The following TIMMDC1 variants were observed in gnomAD, a reference collection of about 807,000 sequenced individuals.
TIMMDC1 encodes complex I assembly factor TIMMDC1, mitochondrial.
Under a neutral mutation model 32.6 loss-of-function variants are expected in TIMMDC1, and 25 were observed. That is an observed-to-expected ratio of 0.77 (90% confidence interval 0.56 to 1.07). TIMMDC1 has a LOEUF of 1.07. Among genes scored for constraint, TIMMDC1 ranks in the 50% least tolerant of loss-of-function variants. The pLI is 0.00. For synonymous variants in TIMMDC1, 130 were observed against 127.6 expected (o/e 1.02, Z -0.13); for missense variants, 329 against 349.2 (o/e 0.94, Z 0.46).
intron 4 of TIMMDC1, among the ~76,000 whole-genome samples, chr3:119,506,326 C>T (rs2081918659): frequency 3.3e-5 from 5 of 152,100 alleles, no homozygotes; most frequent in Admixed American, 2.6e-4. Context: ...AGTTTGAGAA[C>T]AGCCTGGGCA....
chr3:119,511,037 A>G (rs778546215), intron 4 of TIMMDC1, among the ~76,000 whole-genome samples: 10 of 152,236 alleles, frequency 6.6e-5, no homozygotes, highest in Non-Finnish European at 1.5e-4. Context: ...TTCACACATA[A>G]ATAGATTGGT....
intron 4 of TIMMDC1, among the ~76,000 whole-genome samples, chr3:119,511,347 C>T (rs1224534960): frequency 6.6e-6 from 1 of 151,804 alleles, no homozygotes; most frequent in Non-Finnish European, 1.5e-5. Context: ...TGGTGGCATG[C>T]ACCTGTAGTC....
At chr3:119,512,146 T>A (rs1360740722) in intron 4 of TIMMDC1, among the ~76,000 whole-genome samples, 1 of 152,212 alleles carries the variant, frequency 6.6e-6, no homozygotes, top group Non-Finnish European at 1.5e-5. Flanking sequence ...AATCTAAGTG[T>A]TAGACAAAAA....
chr3:119,502,617 G>A (rs566678977), intron 2 of TIMMDC1, among the ~76,000 whole-genome samples: 76 of 151,884 alleles, frequency 5.0e-4, no homozygotes, highest in African/African-American at 1.5e-3. Flanking sequence ...GGAGTGCAGC[G>A]GCGCGATCAT....
chr3:119,518,404 C>T (rs2081999608), intron 6 of TIMMDC1, among the ~76,000 whole-genome samples: 1 of 151,988 alleles, frequency 6.6e-6, no homozygotes, highest in South Asian at 2.1e-4. Context: ...TAACCACACA[C>T]ACACAGACAC....
At chr3:119,518,348 G>T (rs2081999211) in intron 6 of TIMMDC1, among the ~76,000 whole-genome samples, 1 of 152,038 alleles carries the variant, frequency 6.6e-6, no homozygotes, top group Non-Finnish European at 1.5e-5. Context: ...GGATAGATGA[G>T]AAATCATTTT....
At position 119,523,882 on chromosome 3, in the gene TIMMDC1, G is replaced by T. The variant is rs899579329; in HGVS notation, c.*126G>T. On this transcript the variant is annotated 3_prime_UTR_variant, in exon 7 of 7. Coordinates refer to ENST00000494664, the MANE Select transcript of TIMMDC1 (RefSeq NM_016589.4). The stretch of plus-strand genomic sequence containing the variant: ...TTAAGTGCTGGTACCTGTGGTGGCA[G>T]TGGCTTGCTCTTGTCTTTTTCTTTT... 2.1e-6 allele frequency: 2 copies of T among 931,654 alleles called. No homozygotes were observed. The highest frequency in any genetic ancestry group is 2.8e-5 in the Admixed American group (1 of 36,016). 57.7% of individuals were successfully genotyped at this position (931,654 alleles called of 1,614,324 possible).
chr3:119,503,262 C>G (rs1408570761), intron 2 of TIMMDC1, among the ~76,000 whole-genome samples: 1 of 152,162 alleles, frequency 6.6e-6, no homozygotes, highest in East Asian at 1.9e-4. Flanking sequence ...CTGAAAAAAT[C>G]CTAAATCCAA....
intron 6 of TIMMDC1, among the ~76,000 whole-genome samples, chr3:119,522,228 T>C (rs934996996): frequency 1.3e-5 from 2 of 152,184 alleles, no homozygotes; most frequent in Admixed American, 6.5e-5. Flanking sequence ...TCAGCCATAA[T>C]AAAGAATGTA....
At chr3:119,519,865 AC>A (rs1407128985) in intron 6 of TIMMDC1, among the ~76,000 whole-genome samples, 1 of 152,032 alleles carries the variant, frequency 6.6e-6, no homozygotes, top group Non-Finnish European at 1.5e-5. Flanking sequence ...AGGCTACAAA[AC>A]AAGTCTCAAC....
intron 5 of TIMMDC1, 61 bp downstream of exon 5, chr3:119,513,780 A>G: frequency 9.3e-7 from 1 of 1,071,754 alleles, no homozygotes; most frequent in South Asian, 1.6e-5. Flanking sequence ...CTTGCCTATT[A>G]AAAAGTCTCA....
At position 119,520,853 on chromosome 3, in the gene TIMMDC1, C is replaced by A. The variant is rs2082021778; in HGVS notation, c.708-2753C>A. Reference sequence around the variant, plus strand: ...AATCCTTAACAAAATACCAGCAAACCAAATCCAAGAGTACATCAAAAAGAT... The same window carrying A: ...AATCCTTAACAAAATACCAGCAAACAAAATCCAAGAGTACATCAAAAAGAT... On this transcript the variant is annotated intron_variant, in intron 6 of 6. Coordinates refer to ENST00000494664, the MANE Select transcript of TIMMDC1 (RefSeq NM_016589.4). Among the ~76,000 whole-genome samples, 3 of 152,162 alleles carry A rather than the reference C, an allele frequency of 2.0e-5. 1 individual carries two copies. In the South Asian group the frequency reaches 6.2e-4, roughly 32 times the overall value.
chr3:119,524,071 A>G lies in TIMMDC1; in HGVS notation c.*315A>G, dbSNP rs1204515468. 2 of 186,072 alleles carry G rather than the reference A, an allele frequency of 1.1e-5. No individual in the cohort carries two copies. Among genetic ancestry groups the G allele is most frequent in the African/African-American group, 4.7e-5 (2 of 42,756 alleles). The allele number at this position is 186,072 out of a possible 1,614,324, so 11.5% of individuals were successfully genotyped here. On this transcript the variant is annotated 3_prime_UTR_variant, in exon 7 of 7. Transcript: ENST00000494664. ...AACATTTCGCAAAAGATTAAAGTTGAATTTTACAGTTCGTATATTCATGTG... is the reference window on the plus strand; with the variant it reads ...AACATTTCGCAAAAGATTAAAGTTGGATTTTACAGTTCGTATATTCATGTG...
chr3:119,510,428 A>T (rs2107730848), intron 4 of TIMMDC1, among the ~76,000 whole-genome samples: 1 of 151,860 alleles, frequency 6.6e-6, no homozygotes, highest in Non-Finnish European at 1.5e-5. Flanking sequence ...AGGCTTTTTT[A>T]AAAAAACTTG....
At chr3:119,502,296 C>T (rs2081883096) in intron 2 of TIMMDC1, among the ~76,000 whole-genome samples, 1 of 151,732 alleles carries the variant, frequency 6.6e-6, no homozygotes, top group Non-Finnish European at 1.5e-5. Context: ...GTGGCACAAT[C>T]TTGGCTTGCT....
At chr3:119,504,650 C>G (rs760427252) in intron 4 of TIMMDC1, among the ~76,000 whole-genome samples, 1 of 152,012 alleles carries the variant, frequency 6.6e-6, no homozygotes, top group Non-Finnish European at 1.5e-5. Flanking sequence ...TTACCAGAGA[C>G]TGGATATGGG....
At chr3:119,518,473 A>G (rs961426540) in intron 6 of TIMMDC1, among the ~76,000 whole-genome samples, 1 of 151,770 alleles carries the variant, frequency 6.6e-6, no homozygotes, top group Non-Finnish European at 1.5e-5. Flanking sequence ...GTGCTATATG[A>G]GAAGAAAAGC....
intron 5 of TIMMDC1, among the ~76,000 whole-genome samples, chr3:119,515,738 C>T (rs2081981848): frequency 6.6e-6 from 1 of 152,168 alleles, no homozygotes; most frequent in South Asian, 2.1e-4. Flanking sequence ...TGCTCTCCAG[C>T]TATCTTTTCA....
In TIMMDC1 at chr3:119,503,951, C is replaced by T; in HGVS notation, c.450-3C>T. The T allele has an allele frequency of 1.2e-6, 2 of 1,610,522 alleles. No individual in the cohort carries two copies. Among genetic ancestry groups the T allele is most frequent in the Non-Finnish European group, 8.5e-7 (1 of 1,177,720 alleles). On this transcript the variant is annotated splice_polypyrimidine_tract_variant and splice_region_variant and intron_variant, in intron 3 of 6. Coordinates refer to ENST00000494664, the MANE Select transcript of TIMMDC1 (RefSeq NM_016589.4). ...TATTTTCCTTCTCCTCCCTTTTTAC[C>T]AGCACAGTGAACACTAGTCTGAATG...
Sources: gnomAD v4.1 joint callset for allele counts (sites outside exome capture counted in the v4.1 genomes callset) on GRCh38, gnomAD v4.1.1 for gene constraint, MANE v1.5 for transcripts, NCBI Gene and HGNC (gene_info 2026-07-23, HGNC 2026-07-21) for gene names.